The following POLR1C variants were observed in gnomAD, a reference collection of about 807,000 sequenced individuals.
POLR1C encodes the protein DNA-directed RNA polymerases I and III subunit RPAC1.
POLR1C carries 42 observed loss-of-function variants against 38.3 expected under a neutral mutation model. The ratio of observed to expected loss-of-function variants is 1.10; its 90% CI spans 0.86 to 1.42. The LOEUF is 1.42. Among genes scored for constraint, POLR1C ranks in the 40% most tolerant of loss-of-function variants. The probability of loss-of-function intolerance (pLI) is 0.00; values close to 1 mark genes in which losing one functional copy is unlikely to be tolerated. For missense variants in POLR1C, 507 were observed against 450.5 expected (o/e 1.13, Z -1.14); for synonymous variants, 163 against 163.9 (o/e 0.99, Z 0.04).
At chr6:43,554,578 C>T (rs1256382620) in intron 10 of POLR1C, among the ~76,000 whole-genome samples, 1 of 151,956 alleles carries the variant, frequency 6.6e-6, no homozygotes, top group Non-Finnish European at 1.5e-5. Flanking sequence ...GGGCCCACCA[C>T]CACGCCTGGC....
intron 9 of POLR1C, among the ~76,000 whole-genome samples, chr6:43,537,627 T>A (rs1487428570): frequency 2.0e-5 from 3 of 152,164 alleles, no homozygotes; most frequent in East Asian, 1.9e-4. Flanking sequence ...GTGCCATATG[T>A]CCTCTAGACA....
intron 10 of POLR1C, among the ~76,000 whole-genome samples, chr6:43,554,168 G>T (rs774257592): frequency 4.6e-5 from 7 of 151,546 alleles, no homozygotes; most frequent in Non-Finnish European, 1.0e-4. Flanking sequence ...GGGCAGTGGC[G>T]AGATCTCGGC....
At chr6:43,533,670 C>G (rs1794140693), downstream of POLR1C, 2 of 297,364 alleles carry the variant, frequency 6.7e-6, no homozygotes, top group African/African-American at 4.3e-5. Flanking sequence ...GACTCTGTCT[C>G]AACAAAAAAA....
chr6:43,557,171 A>C (rs1160288722), intron 10 of POLR1C, among the ~76,000 whole-genome samples: 1 of 145,592 alleles, frequency 6.9e-6, no homozygotes, highest in African/African-American at 2.6e-5. Context: ...TTACGCCTGT[A>C]ATCCTAGTAC....
intron 10 of POLR1C, chr6:43,555,026 A>G (rs1332889247): frequency 6.8e-6 from 1 of 146,144 alleles, no homozygotes; most frequent in Non-Finnish European, 1.5e-5. Context: ...ACCGCAACCT[A>G]CACCTCCTGG....
At chr6:43,517,800 C>G (rs966941256) in intron 2 of POLR1C, among the ~76,000 whole-genome samples, 1 of 152,020 alleles carries the variant, frequency 6.6e-6, no homozygotes, top group Admixed American at 6.6e-5. Context: ...CAGTGAAGTT[C>G]AGGATATACA....
chr6:43,559,043 TC>T (rs964712909), intron 10 of POLR1C: 5 of 153,534 alleles, frequency 3.3e-5, no homozygotes, highest in African/African-American at 1.2e-4. Context: ...ACGCCTGTAA[TC>T]CCAGCACTTT....
intron 7 of POLR1C, 34 bp from the exon 8 acceptor site, chr6:43,520,898 A>G: frequency 1.2e-6 from 2 of 1,609,666 alleles, no homozygotes; most frequent in Non-Finnish European, 1.7e-6. Context: ...CAAATTAGAA[A>G]AAGGAATAAA....
chr6:43,529,200 G>A (rs774365742), intron 8 of POLR1C: 4 of 1,435,216 alleles, frequency 2.8e-6, no homozygotes, highest in Non-Finnish European at 3.7e-6. Flanking sequence ...ATAGGAAGGA[G>A]GACATCCTTG....
At chr6:43,544,385 A>G (rs1439837010) in intron 9 of POLR1C, 1 of 152,554 alleles carries the variant, frequency 6.6e-6, no homozygotes, top group Non-Finnish European at 1.5e-5. Flanking sequence ...GATTGATAGG[A>G]AGGTGACTAG....
intron 2 of POLR1C, among the ~76,000 whole-genome samples, chr6:43,518,827 T>C (rs759387879): frequency 2.6e-5 from 4 of 152,174 alleles, no homozygotes; most frequent in Non-Finnish European, 4.4e-5. Context: ...ACTACAGTCA[T>C]GCGCCACTAT....
At chr6:43,534,938 T>C (rs1269215496) in intron 9 of POLR1C, among the ~76,000 whole-genome samples, 2 of 151,914 alleles carry the variant, frequency 1.3e-5, no homozygotes, top group Non-Finnish European at 2.9e-5. Flanking sequence ...GAGGTTGTGG[T>C]GAGCCGAGAT....
intron 8 of POLR1C, chr6:43,528,853 C>T: frequency 1.2e-6 from 2 of 1,613,866 alleles, no homozygotes; most frequent in Non-Finnish European, 1.7e-6. Context: ...GAAAAGAGGT[C>T]CGAGGATGGG....
Position 43,517,102 on chromosome 6 carries a change from G to C in POLR1C, c.-8G>C. ...GATAGAACCTCTAGTCTCGTGGAGA[G>C]ATTGAAGATGGCGGCTTCTCAGGCG... On this transcript the variant is annotated 5_prime_UTR_variant, in exon 1 of 9. Coordinates refer to ENST00000642195, the MANE Select transcript of POLR1C (RefSeq NM_203290.4). 4 of 1,614,144 alleles carry C rather than the reference G, an allele frequency of 2.5e-6. No homozygotes were observed. The highest frequency in any genetic ancestry group is 1.3e-5 in the African/African-American group (1 of 75,068).
downstream of POLR1C, chr6:43,523,711 GCA>G: frequency 1.7e-6 from 2 of 1,161,636 alleles, no homozygotes; most frequent in Non-Finnish European, 2.6e-6. Context: ...TTCTGGTCCT[GCA>G]CAGGGCCTGT....
At chr6:43,528,695 G>C (rs1050308887) in intron 8 of POLR1C, 7 of 808,232 alleles carry the variant, frequency 8.7e-6, no homozygotes, top group Non-Finnish European at 1.2e-5. Context: ...AGTCAGCTGG[G>C]GTAGAAGCTC....
At chr6:43,560,420 A>C in intron 10 of POLR1C, 1 of 1,289,934 alleles carries the variant, frequency 7.8e-7, no homozygotes, top group Non-Finnish European at 1.0e-6. Context: ...AATACTTTGA[A>C]GCTGTCTCTA....
intron 10 of POLR1C, among the ~76,000 whole-genome samples, chr6:43,556,937 G>A (rs991241068): frequency 1.3e-5 from 2 of 152,060 alleles, no homozygotes; most frequent in Non-Finnish European, 2.9e-5. Context: ...AGACCAGCCT[G>A]GCCAACATGA....
intron 10 of POLR1C, chr6:43,561,069 G>A (rs1302286573): frequency 1.5e-6 from 2 of 1,339,290 alleles, no homozygotes; most frequent in East Asian, 2.3e-5. Context: ...GGAAAAAGCA[G>A]GGAAGTAATA....
Sources: allele counts gnomAD v4.1 joint callset (sites outside exome capture counted in the v4.1 genomes callset), GRCh38; gene constraint gnomAD v4.1.1; transcripts MANE v1.5; gene names NCBI Gene and HGNC (gene_info 2026-07-23, HGNC 2026-07-21).